Variants in CRACR2A observed in about 807,000 individuals in gnomAD.
The protein encoded by CRACR2A is EF-hand calcium-binding domain-containing protein 4B.
CRACR2A carries 79 observed loss-of-function variants against 90.5 expected under a neutral mutation model. That is an observed-to-expected ratio of 0.87 (90% confidence interval 0.73 to 1.05). The LOEUF is 1.05. Ranked by LOEUF, CRACR2A falls within the 50% of genes least tolerant of loss-of-function variation. The pLI is 0.00. For missense variants in CRACR2A, 823 were observed against 897.2 expected (o/e 0.92, Z 1.06); for synonymous variants, 338 against 356.7 (o/e 0.95, Z 0.59).
chr12:3,682,278 T>C (rs1341539208), intron 4 of CRACR2A, among the ~76,000 whole-genome samples: 3 of 152,168 alleles, frequency 2.0e-5, no homozygotes, highest in Non-Finnish European at 2.9e-5. Context: ...AGAAATGAGC[T>C]GCAAGAAAAT....
chr12:3,671,874 C>T (rs1945249947), intron 7 of CRACR2A, among the ~76,000 whole-genome samples: 1 of 152,084 alleles, frequency 6.6e-6, no homozygotes, highest in African/African-American at 2.4e-5. Context: ...GGATACTGTC[C>T]CTATCTTACA....
At chr12:3,653,254 T>C (rs967240489) in intron 10 of CRACR2A, among the ~76,000 whole-genome samples, 3 of 152,192 alleles carry the variant, frequency 2.0e-5, no homozygotes, top group African/African-American at 7.2e-5. Context: ...GTGCTGGGAT[T>C]ACAGGCGTGA....
chr12:3,615,478 T>A lies in CRACR2A; in HGVS notation c.2112-39A>T, dbSNP rs537511274. 2.6e-5 allele frequency: 39 copies of A among 1,519,194 alleles called. 1 individual carries two copies. The South Asian group carries it at 4.8e-4, about 19-fold the overall frequency. The allele number at this position is 1,519,194 out of a possible 1,614,324, so 94.1% of individuals were successfully genotyped here. ...AGAGATCGTGTCAGTGATGGAGAAGTTGATAGGCCCAGGGGCTGGCAACCT... is the reference window on the plus strand; with the variant it reads ...AGAGATCGTGTCAGTGATGGAGAAGATGATAGGCCCAGGGGCTGGCAACCT... On this transcript the variant is annotated intron_variant, in intron 19 of 19. Transcript: ENST00000440314.
intron 2 of CRACR2A, among the ~76,000 whole-genome samples, chr12:3,716,967 G>C (rs73033621): frequency 6.6e-6 from 1 of 151,914 alleles, no homozygotes; most frequent in African/African-American, 2.4e-5. Context: ...TTTGGAAGAC[G>C]CTTTGTACAA....
At chr12:3,730,415 C>T (rs1415191881) in intron 2 of CRACR2A, 1 of 152,182 alleles carries the variant, frequency 6.6e-6, no homozygotes, top group African/African-American at 2.4e-5. Context: ...CATACTAGAA[C>T]TGAGTGTTTC....
chr12:3,692,178 C>T (rs1407759399), intron 4 of CRACR2A, among the ~76,000 whole-genome samples: 3 of 152,344 alleles, frequency 2.0e-5, no homozygotes, highest in East Asian at 3.9e-4. Flanking sequence ...CAGTTCAGAA[C>T]CCTTTCTGGA....
At chr12:3,719,964 A>T (rs1230331497) in intron 2 of CRACR2A, among the ~76,000 whole-genome samples, 3 of 151,648 alleles carry the variant, frequency 2.0e-5, no homozygotes, top group Non-Finnish European at 4.4e-5. Flanking sequence ...CTAAAAACAC[A>T]AAAAATTAGC....
In CRACR2A at chr12:3,705,561, T is replaced by A. The variant is rs116517373; in HGVS notation, c.-37+7676A>T. Among the ~76,000 whole-genome samples the A allele has an allele frequency of 8.0e-3, 1,222 of 152,316 alleles. 15 individuals carry two copies. The highest frequency in any genetic ancestry group is 0.028 in the African/African-American group (1,161 of 41,562). On this transcript the variant is annotated intron_variant, in intron 3 of 19. Transcript: ENST00000440314. ...GGCCAAAAAGCATCTCCAGGATCCA[T>A]TGACATCTCTTTAACCACCCAGGCT...
chr12:3,645,197 C>G (rs1037732715), intron 11 of CRACR2A, among the ~76,000 whole-genome samples: 3 of 152,188 alleles, frequency 2.0e-5, no homozygotes, highest in Admixed American at 2.0e-4. Flanking sequence ...GTAAAAGAAG[C>G]CAGAGTGTGG....
chr12:3,656,136 G>C, intron 9 of CRACR2A, among the ~76,000 whole-genome samples, 175 bp downstream of exon 9: 1 of 152,184 alleles, frequency 6.6e-6, no homozygotes. Context: ...GAGAAGTAAA[G>C]GTTTTATGTT....
intron 5 of CRACR2A, among the ~76,000 whole-genome samples, chr12:3,679,575 A>G (rs993934555): frequency 9.8e-5 from 15 of 152,338 alleles, no homozygotes; most frequent in Admixed American, 9.2e-4. Context: ...CCAGTGTTAC[A>G]GCAGTCTGTC....
intron 17 of CRACR2A, among the ~76,000 whole-genome samples, chr12:3,621,681 A>C (rs1185095251): frequency 7.3e-6 from 1 of 136,572 alleles, no homozygotes; most frequent in African/African-American, 2.8e-5. Context: ...AAAAAAAAAA[A>C]CCAAAGCAAT....
At chr12:3,690,790 G>A (rs998457029) in intron 4 of CRACR2A, among the ~76,000 whole-genome samples, 1 of 152,156 alleles carries the variant, frequency 6.6e-6, no homozygotes, top group African/African-American at 2.4e-5. Flanking sequence ...TAGTGTGGGA[G>A]TCTAAGTCTC....
intron 12 of CRACR2A, among the ~76,000 whole-genome samples, chr12:3,644,049 C>CATATATATAT (rs71441831): frequency 7.5e-6 from 1 of 133,672 alleles, no homozygotes; most frequent in South Asian, 2.4e-4. Context: ...TTCTACGACT[C>CATATATATAT]ATATATATAT....
intron 7 of CRACR2A, among the ~76,000 whole-genome samples, chr12:3,662,078 T>C (rs766699369): frequency 6.6e-6 from 1 of 152,178 alleles, no homozygotes; most frequent in Non-Finnish European, 1.5e-5. Context: ...GGAAGATAGA[T>C]ACAGGGTTTG....
intron 2 of CRACR2A, among the ~76,000 whole-genome samples, chr12:3,720,350 AAAAGG>A (rs1315294884): frequency 1.4e-5 from 2 of 141,450 alleles, no homozygotes; most frequent in African/African-American, 5.2e-5. Flanking sequence ...GAAAGAAAGA[AAAAGG>A]AAAGAAAGAG....
At chr12:3,696,697 C>G in intron 4 of CRACR2A, 75 bp downstream of exon 4, 2 of 1,594,374 alleles carry the variant, frequency 1.3e-6, no homozygotes, top group South Asian at 1.1e-5. Flanking sequence ...TCACCTCCCA[C>G]GGGGCAAGCT....
intron 2 of CRACR2A, chr12:3,729,582 A>T (rs1158418519): frequency 6.6e-6 from 1 of 152,276 alleles, no homozygotes; most frequent in Non-Finnish European, 1.5e-5. Context: ...GTGCACCTGT[A>T]GTCGCAGCTA....
chr12:3,675,731 C>T (rs1176822914), intron 6 of CRACR2A, among the ~76,000 whole-genome samples: 1 of 152,132 alleles, frequency 6.6e-6, no homozygotes, highest in Non-Finnish European at 1.5e-5. Context: ...AAGACAAAAA[C>T]CACAAAAACA....
Sources: allele counts gnomAD v4.1 joint callset (sites outside exome capture counted in the v4.1 genomes callset), GRCh38; gene constraint gnomAD v4.1.1; transcripts MANE v1.5; gene names NCBI Gene and HGNC (gene_info 2026-07-23, HGNC 2026-07-21).